The following ASIC2 variants were observed in gnomAD, a reference collection of about 807,000 sequenced individuals.
ASIC2 encodes the protein acid-sensing ion channel 2.
ASIC2 carries 25 observed loss-of-function variants against 57.3 expected under a neutral mutation model. That is an observed-to-expected ratio of 0.44 (90% CI 0.32 to 0.61). The LOEUF (loss-of-function observed/expected upper bound fraction) is 0.61. Ranked by LOEUF, ASIC2 falls within the 20% of genes least tolerant of loss-of-function variation. ASIC2 has a pLI of 0.06. For synonymous variants in ASIC2, 319 were observed against 307.5 expected, an observed-to-expected ratio of 1.04 and a Z score of -0.39; for missense variants, 641 against 738.1, an observed-to-expected ratio of 0.87 and a Z score of 1.52.
chr17:33,804,506 A>G (rs1335435177), intron 1 of ASIC2, among the ~76,000 whole-genome samples: 1 of 152,212 alleles, frequency 6.6e-6, no homozygotes. Context: ...AGGAAAAAAG[A>G]ACCAGAGGTT....
intron 3 of ASIC2, among the ~76,000 whole-genome samples, chr17:33,045,063 G>A (rs2091947564): frequency 6.6e-6 from 1 of 152,170 alleles, no homozygotes; most frequent in South Asian, 2.1e-4. Context: ...GCATGTGGGT[G>A]AGTGTTGGGC....
intron 1 of ASIC2, among the ~76,000 whole-genome samples, chr17:33,978,640 G>A (rs1905483926): frequency 6.6e-6 from 1 of 152,160 alleles, no homozygotes; most frequent in South Asian, 2.1e-4. Context: ...CACCACCTGT[G>A]TCAAATTCCT....
chr17:33,154,408 A>G (rs1033119512), intron 1 of ASIC2, among the ~76,000 whole-genome samples: 1 of 152,246 alleles, frequency 6.6e-6, no homozygotes, highest in African/African-American at 2.4e-5. Context: ...AAAAGTTGGT[A>G]GCAGGGCATT....
At chr17:34,061,477 T>A (rs1042818109) in intron 1 of ASIC2, among the ~76,000 whole-genome samples, 1 of 151,990 alleles carries the variant, frequency 6.6e-6, no homozygotes, top group African/African-American at 2.4e-5. Flanking sequence ...ACAACCAAAG[T>A]ACACAGGCAA....
At chr17:33,941,549 C>G (rs1182729710) in intron 1 of ASIC2, among the ~76,000 whole-genome samples, 1 of 152,182 alleles carries the variant, frequency 6.6e-6, no homozygotes, top group Non-Finnish European at 1.5e-5. Context: ...CTTAGAGATG[C>G]AGCTATATCC....
intron 1 of ASIC2, among the ~76,000 whole-genome samples, chr17:33,272,660 A>G (rs936665515): frequency 2.0e-5 from 3 of 152,136 alleles, no homozygotes; most frequent in African/African-American, 7.2e-5. Context: ...CATTGTCATC[A>G]CTATCACCAA....
intron 1 of ASIC2, among the ~76,000 whole-genome samples, chr17:33,822,248 T>C (rs982104441): frequency 3.9e-5 from 6 of 152,160 alleles, no homozygotes; most frequent in Non-Finnish European, 8.8e-5. Flanking sequence ...CTGCCTCTCA[T>C]GTAGGTACAA....
At chr17:33,141,695 A>G (rs1222868976) in intron 1 of ASIC2, among the ~76,000 whole-genome samples, 1 of 152,224 alleles carries the variant, frequency 6.6e-6, no homozygotes, top group Non-Finnish European at 1.5e-5. Flanking sequence ...AGCAGATATA[A>G]TTCCCATTAC....
At chr17:33,366,029 C>T (rs1908795663) in intron 1 of ASIC2, among the ~76,000 whole-genome samples, 1 of 152,104 alleles carries the variant, frequency 6.6e-6, no homozygotes, top group South Asian at 2.1e-4. Context: ...AGGATCAGTG[C>T]CTGGGGTCAG....
At chr17:33,031,578 T>C (rs1476433611) in intron 3 of ASIC2, among the ~76,000 whole-genome samples, 1 of 152,196 alleles carries the variant, frequency 6.6e-6, no homozygotes, top group African/African-American at 2.4e-5. Flanking sequence ...ATTCTGTAAC[T>C]GTTGGCGTAC....
At chr17:33,098,715 T>A (rs929130275) in intron 2 of ASIC2, among the ~76,000 whole-genome samples, 5 of 152,144 alleles carry the variant, frequency 3.3e-5, no homozygotes, top group African/African-American at 1.2e-4. Context: ...ATGTTATACT[T>A]TGTTGATCCG....
intron 1 of ASIC2, among the ~76,000 whole-genome samples, chr17:33,548,864 T>C (rs960699142): frequency 1.3e-5 from 2 of 152,096 alleles, no homozygotes; most frequent in Non-Finnish European, 2.9e-5. Context: ...ATATGGGACT[T>C]CTTCCCGTCA....
intron 1 of ASIC2, among the ~76,000 whole-genome samples, chr17:33,649,540 G>T (rs1389249450): frequency 6.6e-6 from 1 of 152,164 alleles, no homozygotes; most frequent in Non-Finnish European, 1.5e-5. Context: ...TCTAATATGT[G>T]TATGAAAAGG....
intron 1 of ASIC2, among the ~76,000 whole-genome samples, chr17:33,663,605 C>T (rs1907371000): frequency 6.6e-6 from 1 of 152,078 alleles, no homozygotes; most frequent in Non-Finnish European, 1.5e-5. Context: ...TTCCCTGTGC[C>T]TCGAGGTTCG....
intron 1 of ASIC2, among the ~76,000 whole-genome samples, chr17:33,493,724 T>A (rs1320602928): frequency 6.6e-6 from 1 of 152,080 alleles, no homozygotes; most frequent in Non-Finnish European, 1.5e-5. Flanking sequence ...GAACCCGCCA[T>A]CCTTCCCCCA....
chr17:33,384,830 C>T (rs1381148534), intron 1 of ASIC2, among the ~76,000 whole-genome samples: 1 of 152,200 alleles, frequency 6.6e-6, no homozygotes, highest in Non-Finnish European at 1.5e-5. Flanking sequence ...ACTCACACTC[C>T]TTGATAACTA....
At chr17:34,103,835 TCTAA>T (rs1432613456) in intron 1 of ASIC2, among the ~76,000 whole-genome samples, 3 of 152,232 alleles carry the variant, frequency 2.0e-5, no homozygotes, top group Non-Finnish European at 4.4e-5. Flanking sequence ...TATGCCAATA[TCTAA>T]CTGTCTTAAT....
intron 1 of ASIC2, among the ~76,000 whole-genome samples, chr17:33,144,805 G>A (rs899449233): frequency 6.6e-6 from 1 of 152,124 alleles, no homozygotes; most frequent in Non-Finnish European, 1.5e-5. Context: ...ATGACTTTAG[G>A]ACATGTACCT....
intron 1 of ASIC2, among the ~76,000 whole-genome samples, chr17:33,571,160 A>G (rs1916423883): frequency 6.6e-6 from 1 of 152,130 alleles, no homozygotes; most frequent in Non-Finnish European, 1.5e-5. Context: ...GAGATGACAT[A>G]TAACACCCTG....
Sources: gnomAD v4.1 joint callset for allele counts (sites outside exome capture counted in the v4.1 genomes callset) on GRCh38, gnomAD v4.1.1 for gene constraint, MANE v1.5 for transcripts, NCBI Gene and HGNC (gene_info 2026-07-23, HGNC 2026-07-21) for gene names.